Variants in FHIT observed in about 807,000 individuals in gnomAD.
FHIT encodes the protein fragile histidine triad diadenosine triphosphatase.
A neutral mutation model predicts 17.9 loss-of-function variants in FHIT; 19 were observed. The observed-to-expected ratio is 1.06, with a 90% CI of 0.74 to 1.56. The LOEUF (loss-of-function observed/expected upper bound fraction) is 1.56, where lower values mean the gene tolerates loss of function less well. Ranked by LOEUF, FHIT falls within the 40% of genes most tolerant of loss-of-function variation. FHIT has a pLI of 0.00. For missense variants in FHIT, 248 were observed against 189.2 expected (o/e 1.31, Z -1.82); for synonymous variants, 81 against 69.7 (o/e 1.16, Z -0.81).
At chr3:60,015,395 T>C (rs1425551998) in intron 5 of FHIT, among the ~76,000 whole-genome samples, 1 of 152,182 alleles carries the variant, frequency 6.6e-6, no homozygotes, top group Non-Finnish European at 1.5e-5. Context: ...GAGTTCATTT[T>C]TCAAGAGAGG....
intron 5 of FHIT, among the ~76,000 whole-genome samples, chr3:60,444,332 T>A (rs1178165693): frequency 2.0e-5 from 3 of 152,310 alleles, no homozygotes; most frequent in African/African-American, 7.2e-5. Context: ...GACCCAGCCA[T>A]CCCATTACTG....
At chr3:61,141,339 T>A (rs528418153) in intron 2 of FHIT, among the ~76,000 whole-genome samples, 2 of 152,276 alleles carry the variant, frequency 1.3e-5, no homozygotes, top group South Asian at 4.2e-4. Flanking sequence ...TCTTCGGAGC[T>A]TCAAAGACAC....
intron 4 of FHIT, among the ~76,000 whole-genome samples, chr3:60,787,686 A>G (rs1187772450): frequency 1.3e-5 from 2 of 152,212 alleles, no homozygotes; most frequent in Admixed American, 6.5e-5. Context: ...ATGCATTTGT[A>G]ACCTCAACAT....
chr3:60,564,264 GA>G (rs1420089131), intron 4 of FHIT, among the ~76,000 whole-genome samples: 13 of 152,018 alleles, frequency 8.6e-5, no homozygotes, highest in African/African-American at 2.9e-4. Flanking sequence ...TACTGCTCAG[GA>G]AAAAACATTC....
At chr3:60,602,888 T>C (rs1187221578) in intron 4 of FHIT, among the ~76,000 whole-genome samples, 1 of 152,072 alleles carries the variant, frequency 6.6e-6, no homozygotes, top group East Asian at 1.9e-4. Context: ...GAAAGTACCA[T>C]CTACTCATGA....
chr3:60,082,746 ATGTT>A (rs1703343756), intron 5 of FHIT, among the ~76,000 whole-genome samples: 1 of 151,888 alleles, frequency 6.6e-6, no homozygotes. Flanking sequence ...GCATTTTTTC[ATGTT>A]TGTTTGCTGC....
rs181978043 is a variant in FHIT, at chr3:60,767,479, C to T, written c.-18+54440G>A. Among the ~76,000 whole-genome samples, 490 of 152,270 alleles carry T rather than the reference C, an allele frequency of 3.2e-3. 2 individuals are homozygous for T. The highest frequency in any genetic ancestry group is 0.011 in the African/African-American group (473 of 41,552). ...AGAGAATTTGTTAATTTGTCTGCTA[C>T]GATCATGTGCCTGGTAAGTGATGGA... On this transcript the variant is annotated intron_variant, in intron 4 of 9. Transcript: ENST00000492590.
intron 8 of FHIT, among the ~76,000 whole-genome samples, chr3:59,922,082 C>T (rs1185386075): frequency 6.6e-6 from 1 of 152,128 alleles, no homozygotes; most frequent in Non-Finnish European, 1.5e-5. Flanking sequence ...TATTTACTGT[C>T]CTGGTAAATG....
At chr3:60,621,305 C>T (rs1425917285) in intron 4 of FHIT, among the ~76,000 whole-genome samples, 1 of 151,802 alleles carries the variant, frequency 6.6e-6, no homozygotes, top group Non-Finnish European at 1.5e-5. Flanking sequence ...CCCACGACTA[C>T]GCCTAGCTAC....
At chr3:59,758,496 A>ATCTT (rs776408858) in intron 8 of FHIT, among the ~76,000 whole-genome samples, 3 of 152,190 alleles carry the variant, frequency 2.0e-5, no homozygotes, top group Non-Finnish European at 2.9e-5. Context: ...ACAGCTTTGA[A>ATCTT]TCTTACTGAG....
chr3:59,921,998 C>G (rs1705428335), intron 8 of FHIT, among the ~76,000 whole-genome samples: 1 of 152,188 alleles, frequency 6.6e-6, no homozygotes, highest in African/African-American at 2.4e-5. Flanking sequence ...AATCATATAT[C>G]AATCTGCTTG....
At chr3:60,000,603 G>A (rs1239320196) in intron 7 of FHIT, among the ~76,000 whole-genome samples, 1 of 151,924 alleles carries the variant, frequency 6.6e-6, no homozygotes, top group African/African-American at 2.4e-5. Context: ...GGGAGGGTAG[G>A]AAGAATGCTA....
intron 5 of FHIT, among the ~76,000 whole-genome samples, chr3:60,316,729 A>G (rs1050241181): frequency 1.3e-5 from 2 of 152,230 alleles, no homozygotes; most frequent in East Asian, 3.8e-4. Context: ...TTAGCACAGC[A>G]TATTTTACAT....
At chr3:60,672,906 T>TGTGTGTGTGTGTGTGTGC (rs1454491586) in intron 4 of FHIT, among the ~76,000 whole-genome samples, 15 of 151,460 alleles carry the variant, frequency 9.9e-5, no homozygotes, top group Non-Finnish European at 2.2e-4. Context: ...TGTGTGTGTG[T>TGTGTGTGTGTGTGTGTGC]GCATGCATGC....
chr3:61,237,993 G>T (rs530237840), intron 1 of FHIT, among the ~76,000 whole-genome samples: 19 of 152,236 alleles, frequency 1.2e-4, no homozygotes, highest in African/African-American at 4.6e-4. Flanking sequence ...AGACAACCCA[G>T]ACTTTCAGAT....
intron 3 of FHIT, among the ~76,000 whole-genome samples, chr3:60,942,370 T>C (rs1708449707): frequency 6.6e-6 from 1 of 152,212 alleles, no homozygotes; most frequent in African/African-American, 2.4e-5. Context: ...TTTCTCAATC[T>C]CTAGTCATGA....
At chr3:60,584,386 T>C (rs1310902343) in intron 4 of FHIT, among the ~76,000 whole-genome samples, 3 of 152,024 alleles carry the variant, frequency 2.0e-5, no homozygotes, top group African/African-American at 7.2e-5. Context: ...AGATCTGTTT[T>C]ACACATACAC....
At chr3:61,236,815 G>A (rs1341945039) in intron 1 of FHIT, among the ~76,000 whole-genome samples, 1 of 152,150 alleles carries the variant, frequency 6.6e-6, no homozygotes, top group Admixed American at 6.6e-5. Flanking sequence ...GCTCCCTGCT[G>A]ACCCTGGGAC....
intron 2 of FHIT, among the ~76,000 whole-genome samples, chr3:61,190,398 G>C: frequency 6.6e-6 from 1 of 152,176 alleles, no homozygotes; most frequent in Non-Finnish European, 1.5e-5. Flanking sequence ...CTCACACCAG[G>C]TAGCATGGCG....
Sources: gnomAD v4.1 joint callset for allele counts (sites outside exome capture counted in the v4.1 genomes callset) on GRCh38, gnomAD v4.1.1 for gene constraint, MANE v1.5 for transcripts, NCBI Gene and HGNC (gene_info 2026-07-23, HGNC 2026-07-21) for gene names.